CACNA1C: variants seen among roughly 807,000 people sequenced by gnomAD.
The protein encoded by CACNA1C is voltage-dependent L-type calcium channel subunit alpha-1C.
In CACNA1C, 30 loss-of-function variants were observed where a neutral mutation model predicts 229.0. That is an observed-to-expected ratio of 0.13 (90% confidence interval 0.10 to 0.18). CACNA1C has a LOEUF of 0.18. Among genes scored for constraint, CACNA1C ranks in the 10% least tolerant of loss-of-function variants. CACNA1C has a pLI of 1.00. For synonymous variants in CACNA1C, 1,114 were observed against 1,132.5 expected, an observed-to-expected ratio of 0.98 and a Z score of 0.33; for missense variants, 1,658 against 2,845.0, an observed-to-expected ratio of 0.58 and a Z score of 9.49.
In CACNA1C at chr12:2,633,568, C is replaced by T; in HGVS notation, c.3829-729C>T. 1 of 954,994 alleles carries T rather than the reference C, an allele frequency of 1.0e-6. No homozygotes were observed. Among genetic ancestry groups the T allele is most frequent in the Non-Finnish European group, 1.7e-6 (1 of 581,692 alleles). 59.2% of individuals were successfully genotyped at this position (954,994 alleles called of 1,614,324 possible). A position where few individuals can be genotyped will look rare whatever the true frequency, so the allele number is the denominator to read the frequency against. On this transcript the variant is annotated intron_variant, in intron 29 of 46. Transcript: ENST00000399655. The surrounding 1 kb of genome is among the most constrained non-coding windows in gnomAD (Gnocchi z 5.8). ...CGATGATTCTGATGGTGGTGTTGCT[C>T]TGTTCTTGTCTGTCTAATATTCCTT...
intron 3 of CACNA1C, among the ~76,000 whole-genome samples, chr12:2,349,498 G>T (rs560227035): frequency 2.0e-5 from 3 of 152,152 alleles, no homozygotes; most frequent in Admixed American, 1.3e-4. Context: ...CAGCCTGGGG[G>T]CATTTTGAGT....
chr12:2,684,332 T>C (rs1438489641), intron 43 of CACNA1C, among the ~76,000 whole-genome samples: 2 of 152,182 alleles, frequency 1.3e-5, no homozygotes, highest in African/African-American at 4.8e-5. Context: ...GTGACAGGCC[T>C]TCTACTTTTC....
intron 21 of CACNA1C, among the ~76,000 whole-genome samples, chr12:2,599,147 C>T (rs2070464998): frequency 6.6e-6 from 1 of 152,214 alleles, no homozygotes; most frequent in African/African-American, 2.4e-5. Flanking sequence ...GATTGCCATA[C>T]AAGCTGAAGT....
intron 34 of CACNA1C, among the ~76,000 whole-genome samples, chr12:2,661,789 C>T (rs956902424): frequency 1.3e-5 from 2 of 152,126 alleles, no homozygotes; most frequent in East Asian, 3.8e-4. Context: ...ACTAAAAACC[C>T]TTTAGGACAA....
At chr12:2,325,105 T>G (rs1414674949) in intron 3 of CACNA1C, among the ~76,000 whole-genome samples, 1 of 152,158 alleles carries the variant, frequency 6.6e-6, no homozygotes, top group Non-Finnish European at 1.5e-5. Context: ...CCGAGAGCCC[T>G]CTGCAGTCCT....
In CACNA1C at chr12:2,571,541, C is replaced by T. The variant is rs1233495795; in HGVS notation, c.1895+3747C>T. ...ATCTTGAAAAGATTTAACATTCATTCTATTTTTAATCACCAATTTATTTCT... is the reference window on the plus strand; with the variant it reads ...ATCTTGAAAAGATTTAACATTCATTTTATTTTTAATCACCAATTTATTTCT... On this transcript the variant is annotated intron_variant, in intron 13 of 46. Transcript: ENST00000399655. Among the ~76,000 whole-genome samples the T allele has an allele frequency of 2.0e-5, 3 of 152,158 alleles. No homozygotes were observed. The East Asian group carries it at 5.8e-4, about 29-fold the overall frequency.
At chr12:1,994,884 G>A (rs1169926188) in intron 1 of CACNA1C, among the ~76,000 whole-genome samples, 6 of 152,062 alleles carry the variant, frequency 3.9e-5, no homozygotes, top group Admixed American at 3.9e-4. Flanking sequence ...ATCACTGCCA[G>A]CTCCATTCCC....
chr12:2,686,331 G>A, intron 45 of CACNA1C, 62 bp downstream of exon 45: 2 of 1,289,440 alleles, frequency 1.6e-6, no homozygotes, highest in East Asian at 2.3e-5. Flanking sequence ...TCCCCAGGGT[G>A]ACGGACAAAT....
At chr12:2,547,285 ATGT>A (rs1180168920) in intron 9 of CACNA1C, among the ~76,000 whole-genome samples, 3 of 152,114 alleles carry the variant, frequency 2.0e-5, no homozygotes, top group Non-Finnish European at 4.4e-5. Context: ...GTTTTCCTGT[ATGT>A]TTTGATTTAT....
intron 3 of CACNA1C, among the ~76,000 whole-genome samples, chr12:2,350,952 G>A (rs1391689596): frequency 1.3e-5 from 2 of 152,240 alleles, no homozygotes; most frequent in African/African-American, 4.8e-5. Context: ...TTGATAGAAA[G>A]TTCTTGTTCA....
At chr12:2,627,787 C>T (rs184840142) in intron 29 of CACNA1C, among the ~76,000 whole-genome samples, 1 of 152,292 alleles carries the variant, frequency 6.6e-6, no homozygotes, top group African/African-American at 2.4e-5. Flanking sequence ...TCCTTTTCCA[C>T]TCTCTGTCTC....
intron 21 of CACNA1C, among the ~76,000 whole-genome samples, chr12:2,599,448 A>G (rs2070695867): frequency 6.6e-6 from 1 of 152,352 alleles, no homozygotes; most frequent in South Asian, 2.1e-4. Flanking sequence ...GGCCTGAGTC[A>G]TACAAAGGAC....
chr12:2,550,324 T>C (rs1036769658), intron 10 of CACNA1C, among the ~76,000 whole-genome samples: 3 of 152,138 alleles, frequency 2.0e-5, no homozygotes, highest in African/African-American at 7.2e-5. Flanking sequence ...CTGAGAAATA[T>C]AGAGGGTGTG....
At chr12:2,102,945 T>C (rs1335428271) in intron 1 of CACNA1C, among the ~76,000 whole-genome samples, 1 of 152,254 alleles carries the variant, frequency 6.6e-6, no homozygotes, top group East Asian at 1.9e-4. Flanking sequence ...TAGTATTCCA[T>C]GGCATATATG....
At chr12:2,682,706 T>C (rs1267150175) in intron 43 of CACNA1C, 28 bp downstream of exon 43, 31 of 1,598,046 alleles carry the variant, frequency 1.9e-5, no homozygotes, top group Non-Finnish European at 2.6e-5. Context: ...CTGCTGAGGC[T>C]GACCCAAGTG....
At chr12:2,635,985 T>C (rs11062290) in intron 30 of CACNA1C, among the ~76,000 whole-genome samples, 4,041 of 152,324 alleles carry the variant, frequency 0.027, 145 homozygotes, top group African/African-American at 0.084. Context: ...CCTTTCTGAA[T>C]GGACCCCAGT....
In CACNA1C at chr12:2,679,519, A is replaced by C. The variant is rs994850921; in HGVS notation, c.5167A>C (p.Thr1723Pro). The C allele has an allele frequency of 6.2e-7, 1 of 1,611,892 alleles. No individual in the cohort carries two copies. The highest frequency in any genetic ancestry group is 8.5e-7 in the Non-Finnish European group (1 of 1,178,854). The stretch of plus-strand genomic sequence containing the variant: ...CCGGAGCGCCTTCCCCCAGACCTTC[A>C]CCACTCAGCGCCCGCTGCACATCAA... ...DGRSAFPQTFTTQRPLHINKA... is the reference protein window; with the variant it reads ...DGRSAFPQTFPTQRPLHINKA... The change falls in exon 42 of 47, where the codon ACC (threonine) becomes CCC (proline). Residue 1723 changes from threonine to proline, a missense_variant. Physicochemically the swap from Thr to Pro is conservative, Grantham distance 38 (BLOSUM62 -1). Around this residue, in one of 20 missense-constraint regions of CACNA1C, gnomAD observed 590 missense variants for 700.8 expected, o/e 0.84. Coordinates refer to ENST00000399655, the MANE Select transcript of CACNA1C (RefSeq NM_000719.7). The surrounding 1 kb of genome is among the most constrained non-coding windows in gnomAD (Gnocchi z 5.5).
Position 2,188,111 on chromosome 12 carries a change from G to A in CACNA1C, c.477+67681G>A, listed in dbSNP as rs2097100195. Reference sequence around the variant, plus strand: ...CTTCTTATCAGCAGGTACCCTAGGGGCCACATGGACTGGTAAGTGGTATCT... The same window carrying A: ...CTTCTTATCAGCAGGTACCCTAGGGACCACATGGACTGGTAAGTGGTATCT... On this transcript the variant is annotated intron_variant, in intron 3 of 46. Transcript: ENST00000399655. Among the ~76,000 whole-genome samples, 3 of 152,208 alleles carry A rather than the reference G, an allele frequency of 2.0e-5. 1 individual carries two copies. In the South Asian group the frequency reaches 6.2e-4, roughly 32 times the overall value.
Position 2,330,099 on chromosome 12 carries a change from G to A in CACNA1C, c.478-118877G>A, listed in dbSNP as rs2096493627. ...CGGGGTCTCCCCACTCACATGGGGTGGACATATGCTGAGAGAAGGGTGGAT... is the reference window on the plus strand; with the variant it reads ...CGGGGTCTCCCCACTCACATGGGGTAGACATATGCTGAGAGAAGGGTGGAT... On this transcript the variant is annotated intron_variant, in intron 3 of 46. Coordinates refer to ENST00000399655, the MANE Select transcript of CACNA1C (RefSeq NM_000719.7). Among the ~76,000 whole-genome samples, 4 of 152,322 alleles carry A rather than the reference G, an allele frequency of 2.6e-5. No homozygotes were observed. In the South Asian group the frequency reaches 6.2e-4, roughly 24 times the overall value.
Sources: allele counts gnomAD v4.1 joint callset (sites outside exome capture counted in the v4.1 genomes callset), GRCh38; gene constraint gnomAD v4.1.1; regional missense constraint gnomAD v4.1.1; non-coding constraint Gnocchi (gnomAD v3.1); transcripts MANE v1.5; gene names NCBI Gene and HGNC (gene_info 2026-07-23, HGNC 2026-07-21).